Variants in PCED1B observed in about 807,000 individuals in gnomAD.
PCED1B encodes PC-esterase domain-containing protein 1B.
For missense variants in PCED1B, 573 were observed against 573.9 expected, an observed-to-expected ratio of 1.00 and a Z score of 0.02; for synonymous variants, 251 against 246.1, an observed-to-expected ratio of 1.02 and a Z score of -0.19.
chr12:47,082,882 C>T (rs1191606290), intron 1 of PCED1B, among the ~76,000 whole-genome samples: 1 of 151,624 alleles, frequency 6.6e-6, no homozygotes, highest in Non-Finnish European at 1.5e-5. Context: ...AAATAGGATG[C>T]GATAGATATT....
chr12:47,157,654 G>A (rs1372291137), intron 2 of PCED1B, among the ~76,000 whole-genome samples: 4 of 152,040 alleles, frequency 2.6e-5, no homozygotes, highest in Admixed American at 2.6e-4. Context: ...AACATAAAAT[G>A]TATCATCTTA....
chr12:47,222,422 C>CAAAAAA (rs750444043), intron 3 of PCED1B, among the ~76,000 whole-genome samples: 5 of 81,598 alleles, frequency 6.1e-5, no homozygotes, highest in Middle Eastern at 6.5e-3. Context: ...AACTCCATCT[C>CAAAAAA]AAAAAAAAAA....
intron 2 of PCED1B, among the ~76,000 whole-genome samples, chr12:47,134,406 G>A (rs989442663): frequency 6.6e-6 from 1 of 151,970 alleles, no homozygotes; most frequent in Non-Finnish European, 1.5e-5. Flanking sequence ...ATACAGAGAA[G>A]ATATCCCTTA....
chr12:47,128,015 T>A (rs979885159), intron 2 of PCED1B, among the ~76,000 whole-genome samples: 1 of 152,258 alleles, frequency 6.6e-6, no homozygotes, highest in Admixed American at 6.5e-5. Context: ...TGTCTTCTGA[T>A]AGATCTTGGA....
At chr12:47,188,162 C>A (rs1451565037) in intron 2 of PCED1B, among the ~76,000 whole-genome samples, 1 of 152,176 alleles carries the variant, frequency 6.6e-6, no homozygotes, top group Non-Finnish European at 1.5e-5. Flanking sequence ...TTACTAAGGA[C>A]TTTGGGGACA....
rs1195029032 is a variant in PCED1B, at chr12:47,111,210, GAAC to G, written c.-526+7020_-526+7022del. ...CAAAGCCACAAGGACATAAAGATCA[GAAC>G]AACATCACTCTGCCCTAGATGAGTT... On this transcript the variant is annotated intron_variant, in intron 2 of 3. Transcript: ENST00000546455. Among the ~76,000 whole-genome samples the G allele has an allele frequency of 3.9e-5, 6 of 152,208 alleles. No individual in the cohort carries two copies. The East Asian group carries it at 1.2e-3, about 29-fold the overall frequency.
intron 2 of PCED1B, among the ~76,000 whole-genome samples, chr12:47,112,114 A>G (rs752057071): frequency 1.3e-5 from 2 of 152,196 alleles, no homozygotes; most frequent in Non-Finnish European, 2.9e-5. Context: ...GTTTAGCAGT[A>G]AGAATAGGAG....
At chr12:47,102,555 G>A (rs2040674) in intron 1 of PCED1B, among the ~76,000 whole-genome samples, 66,114 of 151,920 alleles carry the variant, frequency 0.44, 14,847 homozygotes, top group Admixed American at 0.59. Flanking sequence ...ATTAGGTTGA[G>A]CCATAAAACT....
intron 2 of PCED1B, among the ~76,000 whole-genome samples, chr12:47,142,401 A>G (rs1282398195): frequency 6.6e-6 from 1 of 152,254 alleles, no homozygotes; most frequent in Admixed American, 6.5e-5. Flanking sequence ...ACCAATGCAA[A>G]GCTACACAAA....
intron 2 of PCED1B, among the ~76,000 whole-genome samples, chr12:47,169,682 T>C (rs1266153577): frequency 1.3e-5 from 2 of 152,132 alleles, no homozygotes; most frequent in Non-Finnish European, 2.9e-5. Flanking sequence ...ATTACTAGTA[T>C]ATCTTTTACC....
At chr12:47,105,538 C>T (rs554277869) in intron 2 of PCED1B, among the ~76,000 whole-genome samples, 2 of 152,118 alleles carry the variant, frequency 1.3e-5, no homozygotes, top group Non-Finnish European at 2.9e-5. Flanking sequence ...AATTACTTAG[C>T]GGACTAGGGC....
chr12:47,176,312 A>G lies in PCED1B; in HGVS notation c.-525-39910A>G, dbSNP rs563572172. Among the ~76,000 whole-genome samples, 57 of 152,228 alleles carry G rather than the reference A, an allele frequency of 3.7e-4. 1 individual carries two copies. Among genetic ancestry groups the G allele is most frequent in the African/African-American group, 1.2e-3 (50 of 41,528 alleles). On this transcript the variant is annotated intron_variant, in intron 2 of 3. Transcript: ENST00000546455. ...TTTTTTCCCCCAGTTCCTGATGCAG[A>G]GCTCCTAATCCCTTGGAAATCCCTG...
intron 1 of PCED1B, among the ~76,000 whole-genome samples, chr12:47,090,153 C>T (rs1408972997): frequency 3.3e-5 from 5 of 152,168 alleles, no homozygotes; most frequent in Admixed American, 3.3e-4. Flanking sequence ...TAAAGATGAT[C>T]TCTCCCTATT....
chr12:47,170,196 A>G (rs1417993922), intron 2 of PCED1B, among the ~76,000 whole-genome samples: 2 of 152,076 alleles, frequency 1.3e-5, no homozygotes, highest in Non-Finnish European at 2.9e-5. Flanking sequence ...CATGTTTCAG[A>G]GAGCACGGGG....
chr12:47,136,085 C>CTTTCTTT (rs1555194405), intron 2 of PCED1B: 2 of 131,502 alleles, frequency 1.5e-5, no homozygotes, highest in African/African-American at 2.9e-5. Flanking sequence ...CAATTTCTTT[C>CTTTCTTT]TTTTTTTTTT....
chr12:47,108,771 T>C (rs911646217), intron 2 of PCED1B, among the ~76,000 whole-genome samples: 5 of 152,202 alleles, frequency 3.3e-5, no homozygotes, highest in African/African-American at 1.2e-4. Flanking sequence ...GATTAATCTG[T>C]TTAATTTTAA....
chr12:47,118,628 G>A (rs10881047), intron 2 of PCED1B, among the ~76,000 whole-genome samples: 35,968 of 151,852 alleles, frequency 0.24, 4,846 homozygotes, highest in Non-Finnish European at 0.31. Context: ...GTAGCATGAT[G>A]CCCCCAGCTT....
At chr12:47,202,594 T>TAAAAAAAAAAAAAAAA (rs60769675) in intron 2 of PCED1B, among the ~76,000 whole-genome samples, 21 of 66,664 alleles carry the variant, frequency 3.2e-4, no homozygotes, top group Non-Finnish European at 4.4e-4. Flanking sequence ...TAGACATTAG[T>TAAAAAAAAAAAAAAAA]AAAAAAAAAA....
chr12:47,101,131 C>T (rs1938688315), intron 1 of PCED1B, among the ~76,000 whole-genome samples: 1 of 152,040 alleles, frequency 6.6e-6, no homozygotes, highest in Non-Finnish European at 1.5e-5. Flanking sequence ...CTAGTTTATT[C>T]CATTCCATCT....
Sources: gnomAD v4.1 joint callset for allele counts (sites outside exome capture counted in the v4.1 genomes callset) on GRCh38, gnomAD v4.1.1 for gene constraint, MANE v1.5 for transcripts, NCBI Gene and HGNC (gene_info 2026-07-23, HGNC 2026-07-21) for gene names.